Variants in MLIP observed in about 807,000 individuals in gnomAD.
MLIP encodes the protein muscular LMNA interacting protein, also known as muscular LMNA-interacting protein.
Under a neutral mutation model 84.8 loss-of-function variants are expected in MLIP, and 79 were observed. The ratio of observed to expected loss-of-function variants is 0.93; its 90% CI spans 0.78 to 1.12. The LOEUF (loss-of-function observed/expected upper bound fraction) is 1.12. Ranked by LOEUF, MLIP falls within the 50% of genes most tolerant of loss-of-function variation. MLIP has a pLI of 0.00. For synonymous variants in MLIP, 504 were observed against 463.0 expected, an observed-to-expected ratio of 1.09 and a Z score of -1.14; for missense variants, 1,257 against 1,160.6, an observed-to-expected ratio of 1.08 and a Z score of -1.21.
At chr6:54,156,908 T>C (rs1284862177) in intron 5 of MLIP, among the ~76,000 whole-genome samples, 1 of 152,126 alleles carries the variant, frequency 6.6e-6, no homozygotes, top group African/African-American at 2.4e-5. Flanking sequence ...CAAAGTGATA[T>C]GGTGCCCCAA....
At chr6:54,225,290 C>T (rs1406052036) in intron 11 of MLIP, among the ~76,000 whole-genome samples, 2 of 152,098 alleles carry the variant, frequency 1.3e-5, no homozygotes, top group African/African-American at 2.4e-5. Flanking sequence ...TATAGTATAG[C>T]CTATTGCTCC....
intron 5 of MLIP, among the ~76,000 whole-genome samples, chr6:54,155,135 C>G (rs1049864369): frequency 1.3e-5 from 2 of 152,018 alleles, no homozygotes; most frequent in Non-Finnish European, 2.9e-5. Flanking sequence ...ATTTTACTGG[C>G]AAATATTCCC....
Position 54,136,742 on chromosome 6 carries a change from C to A in MLIP, c.673C>A (p.Gln225Lys), listed in dbSNP as rs1257467468. ...QLTSSPTTSE[Q>K]LACKPPAFSF... ...AACTTCTTCTCCCACTACCTCTGAG[C>A]AGCTTGCCTGTAAACCACCTGCTTT... Residue 225 changes from glutamine to lysine, a missense_variant, in exon 4 of 14, where the codon CAG (glutamine) becomes AAG (lysine). Coordinates refer to ENST00000502396, the MANE Select transcript of MLIP (RefSeq NM_001281747.2). The A allele has an allele frequency of 6.6e-7, 1 of 1,507,904 alleles. No homozygotes were observed. Among genetic ancestry groups the A allele is most frequent in the Non-Finnish European group, 8.9e-7 (1 of 1,126,554 alleles). The allele number at this position is 1,507,904 out of a possible 1,614,324, so 93.4% of individuals were successfully genotyped here. A position where few individuals can be genotyped will look rare whatever the true frequency, so the allele number is the denominator to read the frequency against.
intron 11 of MLIP, among the ~76,000 whole-genome samples, chr6:54,202,633 C>G (rs905131779): frequency 2.0e-5 from 3 of 151,852 alleles, no homozygotes; most frequent in African/African-American, 7.3e-5. Context: ...TGGCTCATGT[C>G]TATAATCCCA....
At chr6:54,233,855 T>C (rs1781181444) in intron 12 of MLIP, among the ~76,000 whole-genome samples, 1 of 152,170 alleles carries the variant, frequency 6.6e-6, no homozygotes, top group Non-Finnish European at 1.5e-5. Flanking sequence ...TTCTCCAGCC[T>C]CTGTTGTTTC....
At chr6:54,215,087 C>A (rs1250567518) in intron 11 of MLIP, 4 of 1,371,522 alleles carry the variant, frequency 2.9e-6, no homozygotes, top group Admixed American at 2.0e-5. Context: ...TATTTGTAAC[C>A]TTTTCTACAC....
At chr6:54,264,276 A>G (rs1582665378) in intron 13 of MLIP, among the ~76,000 whole-genome samples, 2 of 152,186 alleles carry the variant, frequency 1.3e-5, no homozygotes, top group South Asian at 2.1e-4. Context: ...TTATAATCCC[A>G]TCTACATCAT....
chr6:54,214,720 C>A (rs540081998), intron 11 of MLIP, among the ~76,000 whole-genome samples: 2 of 152,294 alleles, frequency 1.3e-5, no homozygotes, highest in East Asian at 3.9e-4. Context: ...TCTGCTTTAA[C>A]ATTTTAATCC....
intron 4 of MLIP, among the ~76,000 whole-genome samples, chr6:54,143,955 G>A (rs1486883793): frequency 1.3e-5 from 2 of 152,150 alleles, no homozygotes; most frequent in Non-Finnish European, 2.9e-5. Flanking sequence ...CATTTAAGGT[G>A]TTAGAGGAAT....
chr6:54,200,290 A>C (rs1778580553), intron 10 of MLIP, among the ~76,000 whole-genome samples: 1 of 152,118 alleles, frequency 6.6e-6, no homozygotes, highest in African/African-American at 2.4e-5. Flanking sequence ...TACCATCCAA[A>C]GTGCTCCTGA....
chr6:54,123,931 G>A (rs1262383670), intron 2 of MLIP, among the ~76,000 whole-genome samples: 1 of 152,124 alleles, frequency 6.6e-6, no homozygotes, highest in African/African-American at 2.4e-5. Flanking sequence ...AAAAATATCT[G>A]CATCTTTTTT....
At chr6:54,255,113 C>T (rs1305445189) in intron 12 of MLIP, among the ~76,000 whole-genome samples, 1 of 152,102 alleles carries the variant, frequency 6.6e-6, no homozygotes, top group East Asian at 1.9e-4. Context: ...TTTCCCTTTA[C>T]TATATGTCAT....
At chr6:54,245,659 A>G (rs1782028670) in intron 12 of MLIP, among the ~76,000 whole-genome samples, 1 of 152,130 alleles carries the variant, frequency 6.6e-6, no homozygotes, top group Admixed American at 6.6e-5. Flanking sequence ...ACCTTCTTGA[A>G]AAGCTATTGT....
chr6:54,258,603 A>G (rs1418068281), intron 13 of MLIP, among the ~76,000 whole-genome samples: 1 of 152,060 alleles, frequency 6.6e-6, no homozygotes, highest in African/African-American at 2.4e-5. Context: ...GGAGTGTGTT[A>G]TAATAATATC....
intron 12 of MLIP, among the ~76,000 whole-genome samples, 157 bp from the exon 13 acceptor site, chr6:54,257,151 T>C (rs1783060534): frequency 6.6e-6 from 1 of 152,208 alleles, no homozygotes; most frequent in African/African-American, 2.4e-5. Context: ...TTTTGTCTTT[T>C]AGTGACAATT....
intron 10 of MLIP, among the ~76,000 whole-genome samples, chr6:54,198,878 CTG>C (rs66922206): frequency 0.61 from 83,777 of 137,644 alleles, 23,258 homozygotes; most frequent in Non-Finnish European, 0.67. Flanking sequence ...GTGTGTGTGT[CTG>C]TGTGTGTGTG....
chr6:54,248,949 A>G (rs1782271061), intron 12 of MLIP, among the ~76,000 whole-genome samples: 1 of 152,130 alleles, frequency 6.6e-6, no homozygotes, highest in Non-Finnish European at 1.5e-5. Flanking sequence ...TACACAAAAG[A>G]ATGTAGTGAA....
rs1386183490 is a variant in MLIP at position 54,226,244 on chromosome 6, C to T, written c.2719-4470C>T. Among the ~76,000 whole-genome samples the T allele has an allele frequency of 5.9e-5, 9 of 152,316 alleles. No individual in the cohort carries two copies. In the South Asian group the frequency reaches 1.4e-3, roughly 25 times the overall value. On this transcript the variant is annotated intron_variant, in intron 11 of 13. Coordinates refer to ENST00000502396, the MANE Select transcript of MLIP (RefSeq NM_001281747.2). ...GAAAACAGGATTTCTGGCCTGGGGC[C>T]TCCTGGCATAGTGGAGAGCAGTGGA... is the stretch of plus-strand genomic sequence containing the variant.
At chr6:54,155,270 A>T (rs1203870775) in intron 5 of MLIP, among the ~76,000 whole-genome samples, 1 of 152,048 alleles carries the variant, frequency 6.6e-6, no homozygotes, top group Non-Finnish European at 1.5e-5. Flanking sequence ...AATCAAAGTG[A>T]GATTTATTTT....
Sources: gnomAD v4.1 joint callset for allele counts (sites outside exome capture counted in the v4.1 genomes callset) on GRCh38, gnomAD v4.1.1 for gene constraint, MANE v1.5 for transcripts, NCBI Gene and HGNC (gene_info 2026-07-23, HGNC 2026-07-21) for gene names.